The following EPB41L1 variants were observed in gnomAD, a reference collection of about 807,000 sequenced individuals.
EPB41L1 encodes band 4.1-like protein 1.
In EPB41L1, 29 loss-of-function variants were observed where a neutral mutation model predicts 97.8. The ratio of observed to expected loss-of-function variants is 0.30; its 90% CI spans 0.22 to 0.40. The LOEUF is 0.40. Among genes scored for constraint, EPB41L1 ranks in the 10% least tolerant of loss-of-function variants. The pLI, the probability that EPB41L1 is intolerant of heterozygous loss-of-function variation, is 1.00. For synonymous variants in EPB41L1, 383 were observed against 459.2 expected, an observed-to-expected ratio of 0.83 and a Z score of 2.12; for missense variants, 812 against 1,162.3, an observed-to-expected ratio of 0.70 and a Z score of 4.38.
At chr20:36,196,207 C>T (rs1372374299) in intron 13 of EPB41L1, among the ~76,000 whole-genome samples, 2 of 152,198 alleles carry the variant, frequency 1.3e-5, no homozygotes, top group African/African-American at 4.8e-5. Flanking sequence ...ACTTCTGCCA[C>T]CAACTCTTTG....
rs866062665 is a variant in EPB41L1, at chr20:36,207,623, C to T, written c.1669-1865C>T. The T allele has an allele frequency of 7.8e-7, 1 of 1,290,128 alleles. No individual in the cohort carries two copies. The highest frequency in any genetic ancestry group is 1.0e-6 in the Non-Finnish European group (1 of 988,924). 79.9% of individuals were successfully genotyped at this position (1,290,128 alleles called of 1,614,324 possible). On this transcript the variant is annotated intron_variant, in intron 14 of 21. Coordinates refer to ENST00000338074, the MANE Select transcript of EPB41L1 (RefSeq NM_012156.2). The surrounding 1 kb of genome is among the most constrained non-coding windows in gnomAD (Gnocchi z 4.9). ...CAACTCCAGCCCCCAGGGGACTTTG[C>T]CAGCCCCAAAGCCACACATTCCACA...
At chr20:36,163,809 A>G (rs1013293354) in intron 1 of EPB41L1, among the ~76,000 whole-genome samples, 2 of 152,050 alleles carry the variant, frequency 1.3e-5, no homozygotes, top group Non-Finnish European at 2.9e-5. Context: ...TGGGGAAGAT[A>G]CACCCAGGAT....
intron 1 of EPB41L1, among the ~76,000 whole-genome samples, chr20:36,169,833 A>T (rs1424018827): frequency 6.6e-6 from 1 of 152,214 alleles, no homozygotes; most frequent in Non-Finnish European, 1.5e-5. Flanking sequence ...AGGCTGAAAC[A>T]TACATGGCAA....
chr20:36,187,802 G>A (rs1407798054), intron 8 of EPB41L1, 39 bp downstream of exon 8: 1 of 1,586,766 alleles, frequency 6.3e-7, no homozygotes, highest in African/African-American at 1.3e-5. Flanking sequence ...TGTCTGGGTG[G>A]TGCCCCCAAA....
Position 36,212,155 on chromosome 20 carries a change from A to C in EPB41L1, c.2080-117A>C, listed in dbSNP as rs1014735546. On this transcript the variant is annotated intron_variant, in intron 15 of 21. Coordinates refer to ENST00000338074, the MANE Select transcript of EPB41L1 (RefSeq NM_012156.2). The surrounding 1 kb of genome is among the most constrained non-coding windows in gnomAD (Gnocchi z 4.8). Reference sequence around the variant, plus strand: ...TACCCTGTCCAGAGTACCCTTCCAGAGATGTGGCCAGCTGTGGGGATAGGA... The same window carrying C: ...TACCCTGTCCAGAGTACCCTTCCAGCGATGTGGCCAGCTGTGGGGATAGGA... 4.2e-6 allele frequency: 4 copies of C among 948,746 alleles called. No individual in the cohort carries two copies. The highest frequency in any genetic ancestry group is 6.8e-6 in the Non-Finnish European group (4 of 590,830). 58.8% of individuals were successfully genotyped at this position (948,746 alleles called of 1,614,324 possible).
chr20:36,122,372 C>CA (rs1413783292), intron 2 of EPB41L1, among the ~76,000 whole-genome samples: 2 of 152,220 alleles, frequency 1.3e-5, no homozygotes, highest in Non-Finnish European at 2.9e-5. Flanking sequence ...TGGAGCCGCT[C>CA]AGCTGTGAGC....
intron 1 of EPB41L1, among the ~76,000 whole-genome samples, chr20:36,158,253 T>C (rs1478882375): frequency 6.6e-6 from 1 of 152,152 alleles, no homozygotes; most frequent in Admixed American, 6.5e-5. Flanking sequence ...CAAGTTGAAA[T>C]AGTCACTCAG....
chr20:36,200,428 G>A (rs974868660), intron 14 of EPB41L1, among the ~76,000 whole-genome samples: 4 of 151,980 alleles, frequency 2.6e-5, no homozygotes, highest in Non-Finnish European at 4.4e-5. Context: ...CCTCATCTGG[G>A]CCAAGGGGAA....
At position 36,198,003 on chromosome 20, in the gene EPB41L1, T is replaced by G. The variant is rs2062296187; in HGVS notation, c.1630T>G (p.Ser544Ala). 3 of 1,388,484 alleles carry G rather than the reference T, an allele frequency of 2.2e-6. No individual in the cohort carries two copies. The highest frequency in any genetic ancestry group is 2.0e-6 in the Non-Finnish European group (2 of 1,016,308). The allele number at this position is 1,388,484 out of a possible 1,614,324, so 86.0% of individuals were successfully genotyped here. Residue 544 changes from serine to alanine, a missense_variant, in exon 14 of 22, where the codon TCC (serine) becomes GCC (alanine). Coordinates refer to ENST00000338074, the MANE Select transcript of EPB41L1 (RefSeq NM_012156.2). The part of the protein sequence containing the change: ...RERRLPSSPA[S>A]PSPKGTPEKA... ...GCGCAGGCTGCCCTCCTCCCCCGCC[T>G]CCCCCTCCCCCAAGGGCACCCCTGA...
intron 17 of EPB41L1, among the ~76,000 whole-genome samples, chr20:36,217,477 G>A (rs1298447655): frequency 3.9e-5 from 6 of 152,212 alleles, no homozygotes; most frequent in Non-Finnish European, 5.9e-5. Context: ...AGGAAGGGAG[G>A]AGCAGAGGGT....
At chr20:36,154,738 G>T (rs1386430264), upstream of EPB41L1, 3 of 986,540 alleles carry the variant, frequency 3.0e-6, no homozygotes, top group South Asian at 4.5e-5. The surrounding 1 kb of genome is among the most constrained non-coding windows in gnomAD (Gnocchi z 5.5). Flanking sequence ...CGCCGCTGCT[G>T]CAGTCGGCAT....
rs113437519 is a variant in EPB41L1 at position 36,217,380 on chromosome 20, A to T, written c.2269-1496A>T. Among the ~76,000 whole-genome samples the T allele has an allele frequency of 2.9e-3, 434 of 152,216 alleles. 5 individuals carry two copies. Among genetic ancestry groups the T allele is most frequent in the African/African-American group, 0.01 (426 of 41,522 alleles). ...GCAAGTGAGGAGAGCCTGAATGTGG[A>T]GGAAGAGAGGGCTGAGTTTGCCTTG... is the stretch of plus-strand genomic sequence containing the variant. On this transcript the variant is annotated intron_variant, in intron 17 of 21. Coordinates refer to ENST00000338074, the MANE Select transcript of EPB41L1 (RefSeq NM_012156.2).
At chr20:36,161,659 G>A (rs2060529006) in intron 1 of EPB41L1, among the ~76,000 whole-genome samples, 1 of 152,040 alleles carries the variant, frequency 6.6e-6, no homozygotes, top group Non-Finnish European at 1.5e-5. Flanking sequence ...ATTTTTAGTA[G>A]AGACAGGTTA....
rs577799019 is a variant in EPB41L1 at position 36,193,353 on chromosome 20, G to A, written c.1301-859G>A. On this transcript the variant is annotated intron_variant, in intron 11 of 21. Transcript: ENST00000338074. ...ACATAGGGTATTGTGTAAATCAAAC[G>A]AAATATATGCATAAATGCGTACTTT... Among the ~76,000 whole-genome samples the A allele has an allele frequency of 1.9e-3, 296 of 152,286 alleles. 7 individuals are homozygous for A. The highest frequency in any genetic ancestry group is 2.2e-3 in the Non-Finnish European group (151 of 68,024).
intron 1 of EPB41L1, among the ~76,000 whole-genome samples, chr20:36,156,192 C>T (rs1052327258): frequency 6.6e-6 from 1 of 152,202 alleles, no homozygotes; most frequent in African/African-American, 2.4e-5. Context: ...TCCTGGCCAG[C>T]CTGAGGTCAT....
upstream of EPB41L1, chr20:36,154,637 G>A: frequency 1.0e-6 from 1 of 955,128 alleles, no homozygotes; most frequent in Non-Finnish European, 1.2e-6. This position sits in a 1 kb window ranked among gnomAD's most constrained non-coding sequence, Gnocchi z 5.5. Flanking sequence ...AGGCCGGGGC[G>A]GGGGCGGGGG....
At chr20:36,202,613 G>A (rs1184835095) in intron 14 of EPB41L1, among the ~76,000 whole-genome samples, 1 of 151,658 alleles carries the variant, frequency 6.6e-6, no homozygotes, top group Non-Finnish European at 1.5e-5. Flanking sequence ...GGCCAAAATG[G>A]TGAAACCCTG....
chr20:36,122,492 G>A (rs1163339822), intron 2 of EPB41L1, among the ~76,000 whole-genome samples: 1 of 152,174 alleles, frequency 6.6e-6, no homozygotes, highest in Non-Finnish European at 1.5e-5. Flanking sequence ...CCACACCCCT[G>A]AAGCTCTGGG....
At chr20:36,143,642 G>C (rs1224607610) in intron 2 of EPB41L1, among the ~76,000 whole-genome samples, 1 of 152,010 alleles carries the variant, frequency 6.6e-6, no homozygotes, top group Non-Finnish European at 1.5e-5. Context: ...TCACTCAGGG[G>C]GTGATCTATG....
Sources: gnomAD v4.1 joint callset for allele counts (sites outside exome capture counted in the v4.1 genomes callset) on GRCh38, gnomAD v4.1.1 for gene constraint, Gnocchi (gnomAD v3.1) non-coding constraint, MANE v1.5 for transcripts, NCBI Gene and HGNC (gene_info 2026-07-23, HGNC 2026-07-21) for gene names.